The following CEP170B variants were observed in gnomAD, a reference collection of about 807,000 sequenced individuals.
The protein encoded by CEP170B is centrosomal protein 170B.
A neutral mutation model predicts 120.6 loss-of-function variants in CEP170B; 55 were observed. That is an observed-to-expected ratio of 0.46 (90% confidence interval 0.37 to 0.57). The LOEUF (loss-of-function observed/expected upper bound fraction) is 0.57, where lower values mean the gene tolerates loss of function less well. Among genes scored for constraint, CEP170B ranks in the 20% least tolerant of loss-of-function variants. The pLI is 0.00. For synonymous variants in CEP170B, 1,033 were observed against 954.5 expected, an observed-to-expected ratio of 1.08 and a Z score of -1.52; for missense variants, 2,212 against 2,253.3, an observed-to-expected ratio of 0.98 and a Z score of 0.37.
intron 2 of CEP170B, among the ~76,000 whole-genome samples, chr14:104,873,929 G>T (rs988405366): frequency 6.6e-6 from 1 of 152,180 alleles, no homozygotes; most frequent in East Asian, 1.9e-4. Flanking sequence ...CATGTGTCGG[G>T]CGGGCTGAGG....
chr14:104,877,496 G>C (rs1305009432), intron 3 of CEP170B, among the ~76,000 whole-genome samples: 1 of 152,220 alleles, frequency 6.6e-6, no homozygotes, highest in Non-Finnish European at 1.5e-5. Flanking sequence ...GCCACCACAG[G>C]GCAGGCCTGC....
In CEP170B at chr14:104,893,770, G is replaced by C; in HGVS notation, c.4192G>C (p.Asp1398His). The change falls in exon 16 of 19, where the codon GAT becomes CAT. Residue 1398 changes from aspartate to histidine, a missense_variant. Around this residue, in one of 2 missense-constraint regions of CEP170B, gnomAD observed 2,166 missense variants for 2,166.7 expected, o/e 1.00. Transcript: ENST00000414716. Reference sequence around the variant, plus strand: ...GGCCGGGCTCTTGCAGGTGATCTTCGATAACCTGATGCTGAACCCGGTGTC... The same window carrying C: ...GGCCGGGCTCTTGCAGGTGATCTTCCATAACCTGATGCTGAACCCGGTGTC... ...RPRNREEVIF[D>H]NLMLNPVSQL... 6.2e-7 allele frequency: 1 copy of C among 1,609,986 alleles called. No homozygotes were observed. The highest frequency in any genetic ancestry group is 1.7e-4 in the Middle Eastern group (1 of 6,052).
At chr14:104,872,134 C>A (rs867193676) in intron 2 of CEP170B, among the ~76,000 whole-genome samples, 2 of 149,766 alleles carry the variant, frequency 1.3e-5, no homozygotes, top group Non-Finnish European at 3.0e-5. Flanking sequence ...CGTGTGTGTG[C>A]GTGTGTGTGC....
In CEP170B at chr14:104,883,050, C is replaced by T; in HGVS notation, c.593C>T (p.Pro198Leu). ...GEPYPERPKG[P>L]VQQDGELHGF... Reference sequence around the variant, plus strand: ...CCCACACCAGAGCGCCCCAAGGGACCAGTGCAGCAGGACGGGGAGCTCCAC... The same window carrying T: ...CCCACACCAGAGCGCCCCAAGGGACTAGTGCAGCAGGACGGGGAGCTCCAC... The change falls in exon 8 of 19, where the codon CCA becomes CTA. Residue 198 changes from proline (P) to leucine (L), a missense_variant. By Grantham distance (98) the Pro-to-Leu change is moderately conservative. Around this residue, in one of 2 missense-constraint regions of CEP170B, gnomAD observed 2,166 missense variants for 2,166.7 expected, o/e 1.00. Coordinates refer to ENST00000414716, the MANE Select transcript of CEP170B (RefSeq NM_001112726.3). The T allele has an allele frequency of 6.5e-7, 1 of 1,529,792 alleles. No homozygotes were observed. The highest frequency in any genetic ancestry group is 8.8e-7 in the Non-Finnish European group (1 of 1,139,314). 94.8% of individuals were successfully genotyped at this position (1,529,792 alleles called of 1,614,324 possible). A position where few individuals can be genotyped will look rare whatever the true frequency, so the allele number is the denominator to read the frequency against.
rs200493207 is a variant in CEP170B at position 104,885,508 on chromosome 14, G to A, written c.1910G>A (p.Arg637Gln). 27 of 1,567,226 alleles carry A rather than the reference G, an allele frequency of 1.7e-5. No homozygotes were observed. Among genetic ancestry groups the A allele is most frequent in the Middle Eastern group, 1.7e-4 (1 of 5,982 alleles). Residue 637 changes from arginine (R) to glutamine (Q), a missense_variant, in exon 10 of 19, where the codon CGG becomes CAG. Around this residue, in one of 2 missense-constraint regions of CEP170B, gnomAD observed 2,166 missense variants for 2,166.7 expected, o/e 1.00. Transcript: ENST00000414716. ...RMALLQEFAS[R>Q]PLGAAPQAEH... ...GCGCTACTGCAGGAGTTTGCCTCCCGGCCACTGGGTGCGGCCCCCCAGGCG... is the reference window on the plus strand; with the variant it reads ...GCGCTACTGCAGGAGTTTGCCTCCCAGCCACTGGGTGCGGCCCCCCAGGCG...
chr14:104,884,355 C>T lies in CEP170B; in HGVS notation c.1576C>T (p.Leu526=). The part of the protein sequence containing the change: ...RPSPEKVPPV[L]PAPLTPHGTS... ...CAGCCCCGAGAAGGTTCCTCCGGTGCTGCCCGCTCCCCTGACACCCCATGG... is the reference window on the plus strand; with the variant it reads ...CAGCCCCGAGAAGGTTCCTCCGGTGTTGCCCGCTCCCCTGACACCCCATGG... Residue 526 remains leucine (L), a synonymous_variant, in exon 9 of 19, where the codon CTG becomes TTG. Transcript: ENST00000414716. The T allele has an allele frequency of 6.5e-7, 1 of 1,545,266 alleles. No homozygotes were observed. The highest frequency in any genetic ancestry group is 8.7e-7 in the Non-Finnish European group (1 of 1,145,538).
At position 104,883,387 on chromosome 14, in the gene CEP170B, T is replaced by G. The variant is rs1413258052; in HGVS notation, c.930T>G (p.Ala310=). The G allele has an allele frequency of 8.7e-6, 14 of 1,602,378 alleles. No individual in the cohort carries two copies. Among genetic ancestry groups the G allele is most frequent in the Non-Finnish European group, 1.2e-5 (14 of 1,175,818 alleles). Residue 310 remains alanine, a synonymous_variant, in exon 8 of 19, where the codon GCT becomes GCG. Coordinates refer to ENST00000414716, the MANE Select transcript of CEP170B (RefSeq NM_001112726.3). ...CCACACCTGGCGAGATGGTGTCGGCTGAGACCAAGGTGGCCGACTGGCTGG... is the reference window on the plus strand; with the variant it reads ...CCACACCTGGCGAGATGGTGTCGGCGGAGACCAAGGTGGCCGACTGGCTGG... The part of the protein sequence containing the change: ...KEATPGEMVS[A]ETKVADWLVQ...
chr14:104,886,320 C>A lies in CEP170B; in HGVS notation c.2081C>A (p.Pro694His). The change falls in exon 12 of 19, where the codon CCT becomes CAT. Residue 694 changes from proline to histidine, a missense_variant. By Grantham distance (77) the Pro-to-His change is moderately conservative. Coordinates refer to ENST00000414716, the MANE Select transcript of CEP170B (RefSeq NM_001112726.3). ...GGCGGGGAGCCGGAGGGGTCCCTGCCTGTGCGCATGCGGCGACGGCTCCCT... is the reference window on the plus strand; with the variant it reads ...GGCGGGGAGCCGGAGGGGTCCCTGCATGTGCGCATGCGGCGACGGCTCCCT... Reference protein sequence around the residue: ...RRGGEPEGSLPVRMRRRLPQL... With the variant: ...RRGGEPEGSLHVRMRRRLPQL... 6.4e-7 allele frequency: 1 copy of A among 1,550,994 alleles called. No individual in the cohort carries two copies. The highest frequency in any genetic ancestry group is 1.9e-5 in the Admixed American group (1 of 53,166).
chr14:104,893,757 G>A lies in CEP170B; in HGVS notation c.4183-4G>A. 6.2e-7 allele frequency: 1 copy of A among 1,606,342 alleles called. No homozygotes were observed. The highest frequency in any genetic ancestry group is 8.5e-7 in the Non-Finnish European group (1 of 1,177,202). ...GGGGCCATGCTGAGGCCGGGCTCTTGCAGGTGATCTTCGATAACCTGATGC... is the reference window on the plus strand; with the variant it reads ...GGGGCCATGCTGAGGCCGGGCTCTTACAGGTGATCTTCGATAACCTGATGC... On this transcript the variant is annotated splice_region_variant and splice_polypyrimidine_tract_variant and intron_variant, in intron 15 of 18. Coordinates refer to ENST00000414716, the MANE Select transcript of CEP170B (RefSeq NM_001112726.3).
chr14:104,878,083 A>T (rs1159942619), intron 4 of CEP170B, 120 bp downstream of exon 4: 1 of 784,758 alleles, frequency 1.3e-6, no homozygotes, highest in African/African-American at 1.7e-5. Context: ...CAGAGCACCA[A>T]GGATGACCCT....
At position 104,887,557 on chromosome 14, in the gene CEP170B, G is replaced by A. The variant is rs571181740; in HGVS notation, c.3318G>A (p.Pro1106=). 32 of 1,604,678 alleles carry A rather than the reference G, an allele frequency of 2.0e-5. No homozygotes were observed. The highest frequency in any genetic ancestry group is 1.7e-4 in the Middle Eastern group (1 of 5,986). ...GCTCAGCCAGCTCCCAGAAGGGGCC[G>A]CAGGCCTTGACCCGCTCCAACAGCC... ...SRSSASSQKG[P]QALTRSNSLS... The change falls in exon 12 of 19, where the codon CCG becomes CCA. Residue 1106 remains proline, a synonymous_variant. Coordinates refer to ENST00000414716, the MANE Select transcript of CEP170B (RefSeq NM_001112726.3).
intron 17 of CEP170B, 66 bp from the exon 18 acceptor site, chr14:104,894,471 G>C (rs151144112): frequency 3.4e-5 from 54 of 1,602,182 alleles, no homozygotes; most frequent in South Asian, 5.5e-5. Context: ...CCTGCACACA[G>C]AGCCCCGGGG....
At chr14:104,892,435 C>T (rs1488177053) in intron 13 of CEP170B, among the ~76,000 whole-genome samples, 1 of 152,160 alleles carries the variant, frequency 6.6e-6, no homozygotes, top group Non-Finnish European at 1.5e-5. Context: ...TCCCCTCCCT[C>T]TCTGGATCTG....
chr14:104,866,776 G>T (rs1051783624), intron 1 of CEP170B, among the ~76,000 whole-genome samples: 1 of 152,172 alleles, frequency 6.6e-6, no homozygotes, highest in Non-Finnish European at 1.5e-5. Flanking sequence ...GACCTTGGGC[G>T]TGGGCACTGG....
Position 104,896,475 on chromosome 14 carries a change from G to A in CEP170B, c.*1517G>A. 2.3e-6 allele frequency: 1 copy of A among 426,536 alleles called. No individual in the cohort carries two copies. Among genetic ancestry groups the A allele is most frequent in the South Asian group, 1.6e-5 (1 of 62,726 alleles). The allele number at this position is 426,536 out of a possible 1,614,324, so 26.4% of individuals were successfully genotyped here. A position where few individuals can be genotyped will look rare whatever the true frequency, so the allele number is the denominator to read the frequency against. On this transcript the variant is annotated 3_prime_UTR_variant, in exon 19 of 19. Coordinates refer to ENST00000414716, the MANE Select transcript of CEP170B (RefSeq NM_001112726.3). The stretch of plus-strand genomic sequence containing the variant: ...CACCCCGCCTGCCCCTGGACATGAA[G>A]TGGTCACGCTTCATCCACGGCTCCT...
chr14:104,873,841 G>A (rs74519664), intron 2 of CEP170B, among the ~76,000 whole-genome samples: 1 of 152,186 alleles, frequency 6.6e-6, no homozygotes, highest in Non-Finnish European at 1.5e-5. Context: ...TGCTGGCAGG[G>A]AGGGCCCGAG....
rs1566852626 is a variant in CEP170B, at chr14:104,872,423, C to CGTGTGTGTGA, written c.106-3833_106-3832insGTGTGTGTGA. On this transcript the variant is annotated intron_variant, in intron 2 of 18. Transcript: ENST00000414716. The stretch of plus-strand genomic sequence containing the variant: ...TGTGCGTGGGTGTGCCGTGGGTGTG[C>CGTGTGTGTGA]CGTGCGTGTGTGCGTGTGTGTGCCA... Among the ~76,000 whole-genome samples, 7 of 59,272 alleles carry CGTGTGTGTGA rather than the reference C, an allele frequency of 1.2e-4. No individual in the cohort carries two copies. In the East Asian group the frequency reaches 2.5e-3, roughly 21 times the overall value. 38.9% of individuals were successfully genotyped at this position (59,272 alleles called of 152,430 possible).
chr14:104,886,081 G>T lies in CEP170B; in HGVS notation c.1986G>T (p.Val662=). ...GCTCCCCTGGGGGTCAGAAGTGGGTGTCCCGCTGGGCCAGCCTGGCTGACA... is the reference window on the plus strand; with the variant it reads ...GCTCCCCTGGGGGTCAGAAGTGGGTTTCCCGCTGGGCCAGCCTGGCTGACA... The part of the protein sequence containing the change: ...VPGSPGGQKW[V]SRWASLADSY... Residue 662 remains valine (V), a synonymous_variant, in exon 11 of 19, where the codon GTG becomes GTT. Transcript: ENST00000414716. 6.5e-7 allele frequency: 1 copy of T among 1,546,870 alleles called. No homozygotes were observed.
chr14:104,895,571 C>A lies in CEP170B; in HGVS notation c.*613C>A, dbSNP rs1188426490. The A allele has an allele frequency of 6.5e-6, 1 of 152,720 alleles. No homozygotes were observed. The highest frequency in any genetic ancestry group is 6.5e-5 in the Admixed American group (1 of 15,292). 9.5% of individuals were successfully genotyped at this position (152,720 alleles called of 1,614,324 possible). A position where few individuals can be genotyped will look rare whatever the true frequency, so the allele number is the denominator to read the frequency against. On this transcript the variant is annotated 3_prime_UTR_variant, in exon 19 of 19. Coordinates refer to ENST00000414716, the MANE Select transcript of CEP170B (RefSeq NM_001112726.3). ...CAGCCTCTGGTGCCAACACAGTTGC[C>A]AAACCCATTGAGCTTGGGGCTGCCC...
Sources: gnomAD v4.1 joint callset for allele counts (sites outside exome capture counted in the v4.1 genomes callset) on GRCh38, gnomAD v4.1.1 for gene constraint, gnomAD v4.1.1 regional missense constraint, MANE v1.5 for transcripts, NCBI Gene and HGNC (gene_info 2026-07-23, HGNC 2026-07-21) for gene names.